The following SNX16 variants were observed in gnomAD, a reference collection of about 807,000 sequenced individuals.
SNX16 encodes sorting nexin 16.
A neutral mutation model predicts 36.7 loss-of-function variants in SNX16; 35 were observed. That is an observed-to-expected ratio of 0.95 (90% CI 0.73 to 1.27). SNX16 has a LOEUF of 1.27. SNX16 is among the 50% of genes most tolerant of loss of function. The probability of loss-of-function intolerance (pLI) is 0.00; values close to 1 mark genes in which losing one functional copy is unlikely to be tolerated. For missense variants in SNX16, 367 were observed against 393.6 expected (o/e 0.93, Z 0.57); for synonymous variants, 134 against 132.0 (o/e 1.02, Z -0.10).
At chr8:81,810,026 A>G (rs2130625505) in intron 5 of SNX16, among the ~76,000 whole-genome samples, 1 of 152,324 alleles carries the variant, frequency 6.6e-6, no homozygotes, top group South Asian at 2.1e-4. Flanking sequence ...AGTGATTCTA[A>G]GAAAACAGCT....
intron 5 of SNX16, among the ~76,000 whole-genome samples, chr8:81,806,322 C>T (rs538642826): frequency 1.2e-4 from 19 of 152,078 alleles, no homozygotes; most frequent in Admixed American, 2.6e-4. Context: ...TAAAAAAATA[C>T]GCTGAATTTG....
chr8:81,841,081 C>T (rs571036596), intron 1 of SNX16, among the ~76,000 whole-genome samples: 1 of 152,334 alleles, frequency 6.6e-6, no homozygotes. Context: ...TGGCTCACGC[C>T]TGTAATCCCA....
In SNX16 at chr8:81,807,518, C is replaced by CAAAAAAAAAAAAA. The variant is rs71268027; in HGVS notation, c.682-4303_682-4291dup. On this transcript the variant is annotated intron_variant, in intron 5 of 7. Transcript: ENST00000345957. ...TGGGTGACAGTTTGAGACTCTGTCT[C>CAAAAAAAAAAAAA]AAAAAAAAAAAAAAAAAAAAAAAAA... is the stretch of plus-strand genomic sequence containing the variant. Among the ~76,000 whole-genome samples, 12 of 49,300 alleles carry CAAAAAAAAAAAAA rather than the reference C, an allele frequency of 2.4e-4. 1 individual carries two copies. Among genetic ancestry groups the CAAAAAAAAAAAAA allele is most frequent in the African/African-American group, 3.1e-4 (4 of 12,924 alleles). The allele number at this position is 49,300 out of a possible 152,430, so 32.3% of individuals were successfully genotyped here. A position where few individuals can be genotyped will look rare whatever the true frequency, so the allele number is the denominator to read the frequency against.
chr8:81,812,788 CAA>C (rs1810318271), intron 5 of SNX16, among the ~76,000 whole-genome samples: 1 of 151,598 alleles, frequency 6.6e-6, no homozygotes, highest in African/African-American at 2.4e-5. Flanking sequence ...CTTTAGAGCA[CAA>C]AAGACTGTAT....
At chr8:81,830,645 C>T (rs925391215) in intron 2 of SNX16, among the ~76,000 whole-genome samples, 2 of 150,784 alleles carry the variant, frequency 1.3e-5, no homozygotes, top group African/African-American at 4.9e-5. Context: ...ACATTCCATG[C>T]TCATGGATTG....
chr8:81,801,518 T>A lies in SNX16; in HGVS notation c.1014A>T (p.Ala338=), dbSNP rs376790349. The change falls in exon 8 of 8, where the codon GCA becomes GCT. Residue 338 remains alanine (A), a synonymous_variant. Coordinates refer to ENST00000345957, the MANE Select transcript of SNX16 (RefSeq NM_152836.3). The part of the protein sequence containing the change: ...AVSEIEVAEV[A]YDAEED The stretch of plus-strand genomic sequence containing the variant: ...TACATTAGTCTTCTTCAGCATCATA[T>A]GCCACTTCTGCTACTTCTATCTCTG... The A allele has an allele frequency of 1.1e-4, 168 of 1,597,196 alleles. No individual in the cohort carries two copies. The highest frequency in any genetic ancestry group is 1.4e-4 in the Non-Finnish European group (161 of 1,174,680).
At chr8:81,807,727 T>A in intron 5 of SNX16, 1 of 612,586 alleles carries the variant, frequency 1.6e-6, no homozygotes, top group Non-Finnish European at 3.0e-6. Context: ...TGCCCGTGGA[T>A]GCCGCCGAAG....
At chr8:81,840,245 T>C (rs1309712541) in intron 1 of SNX16, 163 bp from the exon 2 acceptor site, 5 of 332,768 alleles carry the variant, frequency 1.5e-5, no homozygotes, top group Admixed American at 8.8e-5. Flanking sequence ...ATTTGCAAGA[T>C]AGAGAGAGCA....
intron 4 of SNX16, among the ~76,000 whole-genome samples, chr8:81,822,415 A>C (rs1421689686): frequency 6.6e-6 from 1 of 152,066 alleles, no homozygotes; most frequent in African/African-American, 2.4e-5. Flanking sequence ...AACAAAACCT[A>C]AGATTGAAAA....
At chr8:81,826,156 A>G (rs1811011741) in intron 3 of SNX16, among the ~76,000 whole-genome samples, 1 of 152,138 alleles carries the variant, frequency 6.6e-6, no homozygotes, top group African/African-American at 2.4e-5. Flanking sequence ...AAATTGCCAG[A>G]AAGACAGTGA....
At chr8:81,822,366 A>C (rs1338265683) in intron 4 of SNX16, among the ~76,000 whole-genome samples, 1 of 152,092 alleles carries the variant, frequency 6.6e-6, no homozygotes, top group African/African-American at 2.4e-5. Flanking sequence ...AAGAAGACCA[A>C]TATGGCAAAT....
intron 2 of SNX16, among the ~76,000 whole-genome samples, chr8:81,830,091 T>A (rs575471999): frequency 7.8e-4 from 118 of 152,204 alleles, no homozygotes; most frequent in African/African-American, 2.8e-3. Context: ...TTCAGTAAAA[T>A]TTCAGGATAT....
At chr8:81,829,341 CATT>C in intron 3 of SNX16, 86 bp downstream of exon 3, 1 of 476,032 alleles carries the variant, frequency 2.1e-6, no homozygotes, top group African/African-American at 2.0e-5. Context: ...GAATTTGACT[CATT>C]AACAAAGAAA....
In SNX16 at chr8:81,800,754, A is replaced by C. The variant is rs893593577; in HGVS notation, c.*743T>G. The C allele has an allele frequency of 3.6e-4, 55 of 152,346 alleles. No homozygotes were observed. Among genetic ancestry groups the C allele is most frequent in the African/African-American group, 1.2e-3 (50 of 41,572 alleles). 9.4% of individuals were successfully genotyped at this position (152,346 alleles called of 1,614,324 possible). On this transcript the variant is annotated 3_prime_UTR_variant, in exon 8 of 8. Coordinates refer to ENST00000345957, the MANE Select transcript of SNX16 (RefSeq NM_152836.3). The stretch of plus-strand genomic sequence containing the variant: ...AAGGAGGTAGTATTCTGAAAGAGGC[A>C]AACTCACTAAATCTAGGTAGAGATA...
Position 81,812,750 on chromosome 8 carries a change from T to A in SNX16, c.681+2575A>T, listed in dbSNP as rs540209303. 2.0e-5 allele frequency among the ~76,000 whole-genome samples: 3 copies of A among 152,188 alleles called. No homozygotes were observed. In the East Asian group the frequency reaches 5.8e-4, roughly 29 times the overall value. On this transcript the variant is annotated intron_variant, in intron 5 of 7. Transcript: ENST00000345957. ...CACGTGGATTAAATAAAATAATCTA[T>A]GAAATATATTTTCCCATTTCTTAAG...
intron 5 of SNX16, among the ~76,000 whole-genome samples, chr8:81,807,427 G>A (rs146934838): frequency 0.091 from 13,436 of 146,914 alleles, 793 homozygotes; most frequent in South Asian, 0.16. Context: ...GCTGAGGCAG[G>A]AGAATTGCTG....
chr8:81,822,972 A>G (rs13252859), intron 4 of SNX16, among the ~76,000 whole-genome samples: 2 of 133,014 alleles, frequency 1.5e-5, no homozygotes, highest in African/African-American at 5.5e-5. Context: ...ATATATATAT[A>G]TATACACATA....
chr8:81,829,871 T>G (rs1195607638), intron 2 of SNX16, among the ~76,000 whole-genome samples: 1 of 152,184 alleles, frequency 6.6e-6, no homozygotes, highest in African/African-American at 2.4e-5. Flanking sequence ...TTCTACACAA[T>G]TTTTAAACTT....
intron 3 of SNX16, among the ~76,000 whole-genome samples, chr8:81,824,366 T>C (rs2130712179): frequency 6.6e-6 from 1 of 152,310 alleles, no homozygotes; most frequent in Non-Finnish European, 1.5e-5. Flanking sequence ...ATAAGAGTTC[T>C]TTATATATTT....
Sources: gnomAD v4.1 joint callset for allele counts (sites outside exome capture counted in the v4.1 genomes callset) on GRCh38, gnomAD v4.1.1 for gene constraint, MANE v1.5 for transcripts, NCBI Gene and HGNC (gene_info 2026-07-23, HGNC 2026-07-21) for gene names.